The following TNR variants were observed in gnomAD, a reference collection of about 807,000 sequenced individuals.
TNR encodes tenascin R.
In TNR, 45 loss-of-function variants were observed where a neutral mutation model predicts 150.4. The ratio of observed to expected loss-of-function variants is 0.30; its 90% CI spans 0.24 to 0.38. The LOEUF (loss-of-function observed/expected upper bound fraction) is 0.38. TNR is among the 10% of genes least tolerant of loss of function. TNR has a pLI of 1.00. For missense variants in TNR, 1,544 were observed against 1,759.1 expected, an observed-to-expected ratio of 0.88 and a Z score of 2.19; for synonymous variants, 687 against 678.4, an observed-to-expected ratio of 1.01 and a Z score of -0.20.
At chr1:175,338,886 A>T (rs1202527546) in intron 18 of TNR, among the ~76,000 whole-genome samples, 1 of 152,036 alleles carries the variant, frequency 6.6e-6, no homozygotes, top group East Asian at 1.9e-4. Context: ...CCCCCTGGAG[A>T]TGTGTTAACT....
At chr1:175,425,904 G>A (rs1432937101) in intron 2 of TNR, among the ~76,000 whole-genome samples, 3 of 152,166 alleles carry the variant, frequency 2.0e-5, no homozygotes, top group Admixed American at 6.5e-5. Context: ...AGCTTCCATG[G>A]TGCCTATGGC....
At chr1:175,465,338 G>T (rs562302656) in intron 2 of TNR, among the ~76,000 whole-genome samples, 10 of 152,336 alleles carry the variant, frequency 6.6e-5, no homozygotes, top group African/African-American at 2.4e-4. Flanking sequence ...TTCAGTGTCT[G>T]GCTTACGATA....
chr1:175,512,854 A>T (rs1485711462), intron 2 of TNR, among the ~76,000 whole-genome samples: 1 of 152,200 alleles, frequency 6.6e-6, no homozygotes, highest in Non-Finnish European at 1.5e-5. Flanking sequence ...TGGATCCTGC[A>T]ACACACTTCC....
intron 1 of TNR, among the ~76,000 whole-genome samples, chr1:175,635,785 C>A (rs752390863): frequency 7.9e-5 from 12 of 152,142 alleles, no homozygotes; most frequent in Non-Finnish European, 1.2e-4. Context: ...TACAGTCCAT[C>A]GAGCCCCACA....
chr1:175,519,974 T>A (rs766766441), intron 2 of TNR, among the ~76,000 whole-genome samples: 17 of 152,218 alleles, frequency 1.1e-4, no homozygotes, highest in Non-Finnish European at 2.1e-4. Context: ...TTCCACTTAC[T>A]AAGCTGTTTG....
chr1:175,477,426 G>A (rs978880491), intron 2 of TNR, among the ~76,000 whole-genome samples: 3 of 152,152 alleles, frequency 2.0e-5, no homozygotes, highest in Admixed American at 6.6e-5. Flanking sequence ...ACCTCTCACT[G>A]TGATGCTATC....
At chr1:175,360,748 A>T (rs185022639) in intron 14 of TNR, among the ~76,000 whole-genome samples, 2 of 152,360 alleles carry the variant, frequency 1.3e-5, no homozygotes, top group Admixed American at 6.5e-5. Flanking sequence ...CATAATCTGC[A>T]TGTTCAAAGA....
At chr1:175,412,100 A>G (rs1654239635) in intron 2 of TNR, among the ~76,000 whole-genome samples, 1 of 152,092 alleles carries the variant, frequency 6.6e-6, no homozygotes, top group Admixed American at 6.6e-5. Flanking sequence ...TTCTATCTCC[A>G]TTATTTAAGA....
At chr1:175,536,329 C>T (rs955678768) in intron 1 of TNR, among the ~76,000 whole-genome samples, 1 of 152,144 alleles carries the variant, frequency 6.6e-6, no homozygotes, top group Non-Finnish European at 1.5e-5. Context: ...GGGTCAGAAC[C>T]CTGGCCTTGG....
intron 1 of TNR, among the ~76,000 whole-genome samples, chr1:175,641,812 G>A (rs142620111): frequency 6.6e-6 from 1 of 152,162 alleles, no homozygotes; most frequent in Non-Finnish European, 1.5e-5. Flanking sequence ...TTATTGACTA[G>A]GAAAGCCTCA....
At position 175,337,570 on chromosome 1, in the gene TNR, T is replaced by C; in HGVS notation, c.3492A>G (p.Leu1164=). Residue 1164 remains leucine (L), a synonymous_variant, in exon 19 of 23, where the codon TTA becomes TTG. Transcript: ENST00000367674. ...CGGTGGTCATATCACAGTACACTTG[T>C]AATTTCTGGCTCAGCTCCCCATTGA... ...IFLNGELSQK[L]QVYCDMTTDG... The C allele has an allele frequency of 3.1e-6, 5 of 1,613,988 alleles. No homozygotes were observed. Among genetic ancestry groups the C allele is most frequent in the Non-Finnish European group, 4.2e-6 (5 of 1,180,032 alleles).
At chr1:175,716,986 A>G (rs998487426) in intron 1 of TNR, among the ~76,000 whole-genome samples, 1 of 152,156 alleles carries the variant, frequency 6.6e-6, no homozygotes, top group Non-Finnish European at 1.5e-5. Flanking sequence ...TCCATTACAG[A>G]GCCCTCCTCA....
intron 1 of TNR, among the ~76,000 whole-genome samples, chr1:175,608,306 C>T (rs1478786342): frequency 6.6e-6 from 1 of 152,178 alleles, no homozygotes; most frequent in African/African-American, 2.4e-5. Context: ...AACTTATCTG[C>T]CTTTTACATT....
chr1:175,376,556 C>T (rs889851519), intron 9 of TNR, among the ~76,000 whole-genome samples: 11 of 152,138 alleles, frequency 7.2e-5, no homozygotes, highest in African/African-American at 2.7e-4. Context: ...GCATTGGAGG[C>T]TGAAAAACTT....
chr1:175,365,757 C>A, intron 11 of TNR, 118 bp downstream of exon 11: 2 of 1,429,668 alleles, frequency 1.4e-6, no homozygotes, highest in Non-Finnish European at 1.9e-6. Context: ...CCTTTTCTAC[C>A]CACCTCTCTT....
At position 175,397,310 on chromosome 1, in the gene TNR, C is replaced by T. The variant is rs571797039; in HGVS notation, c.977-503G>A. ...CTGTTTCCAGCTCCATGTTTACTGA[C>T]GTCATGTTGGTAATTGAAATTGGCC... On this transcript the variant is annotated intron_variant, in intron 4 of 22. Transcript: ENST00000367674. 5.9e-5 allele frequency among the ~76,000 whole-genome samples: 9 copies of T among 152,210 alleles called. 1 individual carries two copies. The South Asian group carries it at 1.2e-3, about 21-fold the overall frequency.
At chr1:175,548,499 AC>A (rs770974686) in intron 1 of TNR, among the ~76,000 whole-genome samples, 1 of 149,680 alleles carries the variant, frequency 6.7e-6, no homozygotes, top group South Asian at 2.1e-4. Context: ...AAAACAGACC[AC>A]TCTCCCCTGT....
intron 1 of TNR, among the ~76,000 whole-genome samples, chr1:175,631,355 A>C (rs1202712930): frequency 6.6e-6 from 1 of 152,248 alleles, no homozygotes; most frequent in East Asian, 1.9e-4. Context: ...GCTATTTAAA[A>C]ATAAATTACA....
rs531230156 is a variant in TNR at position 175,382,340 on chromosome 1, G to A, written c.1778-2603C>T. Among the ~76,000 whole-genome samples, 16 of 152,290 alleles carry A rather than the reference G, an allele frequency of 1.1e-4. No homozygotes were observed. The South Asian group carries it at 1.9e-3, about 18-fold the overall frequency. On this transcript the variant is annotated intron_variant, in intron 8 of 22. Transcript: ENST00000367674. The stretch of plus-strand genomic sequence containing the variant: ...GCTGTGGAGCATTGAGAATGCTTGG[G>A]GTGAGAAGGTGCAGAAAAAAGGATA...
Sources: gnomAD v4.1 joint callset for allele counts (sites outside exome capture counted in the v4.1 genomes callset) on GRCh38, gnomAD v4.1.1 for gene constraint, MANE v1.5 for transcripts, NCBI Gene and HGNC (gene_info 2026-07-23, HGNC 2026-07-21) for gene names.